MDGA2: variants seen among roughly 807,000 people sequenced by gnomAD.
The protein encoded by MDGA2 is MAM domain-containing glycosylphosphatidylinositol anchor protein 2.
MDGA2 carries 40 observed loss-of-function variants against 117.8 expected under a neutral mutation model. That is an observed-to-expected ratio of 0.34 (90% CI 0.26 to 0.44). MDGA2 has a LOEUF of 0.44. MDGA2 is among the 20% of genes least tolerant of loss of function. MDGA2 has a pLI of 1.00. For synonymous variants in MDGA2, 452 were observed against 439.0 expected (o/e 1.03, Z -0.37); for missense variants, 1,123 against 1,250.6 (o/e 0.90, Z 1.54).
At chr14:47,273,975 G>A (rs938860897) in intron 2 of MDGA2, among the ~76,000 whole-genome samples, 3 of 152,086 alleles carry the variant, frequency 2.0e-5, no homozygotes, top group Non-Finnish European at 2.9e-5. Flanking sequence ...AGGAAAATGA[G>A]CTCAAATTGA....
intron 5 of MDGA2, among the ~76,000 whole-genome samples, chr14:47,102,676 G>A (rs908384148): frequency 9.2e-5 from 14 of 152,118 alleles, no homozygotes; most frequent in East Asian, 1.9e-4. Context: ...CAAGGGCACC[G>A]CAAAGCTCTC....
intron 1 of MDGA2, among the ~76,000 whole-genome samples, chr14:47,327,897 GGT>G: frequency 6.6e-6 from 1 of 152,138 alleles, no homozygotes; most frequent in South Asian, 2.1e-4. Flanking sequence ...TTAAGGAAAA[GGT>G]GGAAGCTAGA....
chr14:46,967,938 C>T (rs59043193), intron 8 of MDGA2, among the ~76,000 whole-genome samples: 17,960 of 152,090 alleles, frequency 0.12, 2,020 homozygotes, highest in African/African-American at 0.27. Flanking sequence ...AAAGAAGCTG[C>T]AGATGCCGGG....
At position 47,291,487 on chromosome 14, in the gene MDGA2, A is replaced by G. The variant is rs112490640; in HGVS notation, c.420+9924T>C. 1.6e-3 allele frequency among the ~76,000 whole-genome samples: 244 copies of G among 152,276 alleles called. 1 individual carries two copies. Among genetic ancestry groups the G allele is most frequent in the African/African-American group, 5.6e-3 (233 of 41,576 alleles). ...ATGGGGTTATCTCCTGATAACCCCA[A>G]CGCAACTTGAAAATATCGTGAGTTG... is the stretch of plus-strand genomic sequence containing the variant. On this transcript the variant is annotated intron_variant, in intron 2 of 16. Coordinates refer to ENST00000399232, the MANE Select transcript of MDGA2 (RefSeq NM_001113498.3).
intron 14 of MDGA2, among the ~76,000 whole-genome samples, chr14:46,862,180 A>G (rs1881537087): frequency 6.6e-6 from 1 of 151,858 alleles, no homozygotes; most frequent in Non-Finnish European, 1.5e-5. Context: ...GAAGCTAAGC[A>G]AAACTCAAAC....
intron 3 of MDGA2, among the ~76,000 whole-genome samples, chr14:47,217,134 GT>G (rs1886120524): frequency 6.6e-6 from 1 of 151,908 alleles, no homozygotes; most frequent in African/African-American, 2.4e-5. Flanking sequence ...TGCTAACTAG[GT>G]AACATCCTAT....
intron 1 of MDGA2, among the ~76,000 whole-genome samples, chr14:47,644,685 GA>G (rs567068945): frequency 1.6e-3 from 226 of 145,272 alleles, no homozygotes; most frequent in Middle Eastern, 7.0e-3. Context: ...CTGTAAATTT[GA>G]AAAAAAAAAC....
chr14:46,965,148 C>T (rs1387873294), intron 8 of MDGA2, among the ~76,000 whole-genome samples: 2 of 121,312 alleles, frequency 1.6e-5, no homozygotes, highest in Non-Finnish European at 3.1e-5. Flanking sequence ...TGGTCTCGAT[C>T]TCCTGACCTC....
chr14:47,634,218 A>T lies in MDGA2; in HGVS notation c.280+40299T>A, dbSNP rs182107214. On this transcript the variant is annotated intron_variant, in intron 1 of 16. Coordinates refer to ENST00000399232, the MANE Select transcript of MDGA2 (RefSeq NM_001113498.3). ...AAATAGAGGGGAAAAACTAAAATCTATCTAGATTCAAAATGAATTTTGTAT... is the reference window on the plus strand; with the variant it reads ...AAATAGAGGGGAAAAACTAAAATCTTTCTAGATTCAAAATGAATTTTGTAT... Among the ~76,000 whole-genome samples, 14 of 152,284 alleles carry T rather than the reference A, an allele frequency of 9.2e-5. No homozygotes were observed. The East Asian group carries it at 2.7e-3, about 29-fold the overall frequency.
chr14:47,490,423 A>C (rs1005803588), intron 1 of MDGA2, among the ~76,000 whole-genome samples: 1 of 152,154 alleles, frequency 6.6e-6, no homozygotes, highest in Non-Finnish European at 1.5e-5. Flanking sequence ...AATACATTTC[A>C]AGAAAATAAG....
At chr14:47,054,946 C>G (rs987899032) in intron 7 of MDGA2, among the ~76,000 whole-genome samples, 3 of 150,702 alleles carry the variant, frequency 2.0e-5, no homozygotes, top group South Asian at 2.1e-4. Context: ...TTTTTCTTAT[C>G]TAGCCACTAT....
chr14:46,978,227 T>C (rs1356468668), intron 8 of MDGA2, among the ~76,000 whole-genome samples: 1 of 152,006 alleles, frequency 6.6e-6, no homozygotes, highest in East Asian at 1.9e-4. Context: ...TTTACTCTTT[T>C]GTCTATTATA....
At chr14:47,254,162 C>T (rs1468138070) in intron 2 of MDGA2, among the ~76,000 whole-genome samples, 2 of 152,200 alleles carry the variant, frequency 1.3e-5, no homozygotes, top group African/African-American at 2.4e-5. Flanking sequence ...AGGTCTCTGA[C>T]ATGCCCTGGA....
At chr14:47,127,163 C>T (rs1283375596) in intron 5 of MDGA2, among the ~76,000 whole-genome samples, 1 of 152,054 alleles carries the variant, frequency 6.6e-6, no homozygotes, top group African/African-American at 2.4e-5. Flanking sequence ...TGACATTTTG[C>T]AAACCAACAG....
chr14:47,330,480 T>A (rs1315676966), intron 1 of MDGA2, among the ~76,000 whole-genome samples: 1 of 151,870 alleles, frequency 6.6e-6, no homozygotes, highest in Non-Finnish European at 1.5e-5. Flanking sequence ...GGAAATAATC[T>A]ACAAATATTT....
At chr14:47,613,479 T>TCACA (rs1555336468) in intron 1 of MDGA2, among the ~76,000 whole-genome samples, 241 of 141,136 alleles carry the variant, frequency 1.7e-3, no homozygotes, top group Middle Eastern at 7.2e-3. Flanking sequence ...TCTCTCTCTC[T>TCACA]CACACACACA....
intron 1 of MDGA2, among the ~76,000 whole-genome samples, chr14:47,412,262 CAG>C (rs1431554619): frequency 2.6e-5 from 4 of 151,982 alleles, no homozygotes; most frequent in African/African-American, 9.7e-5. Flanking sequence ...AAAAACAAAA[CAG>C]AAATAAAAAA....
rs117721512 is a variant in MDGA2, at chr14:47,044,930, G to T, written c.1526-9626C>A. On this transcript the variant is annotated intron_variant, in intron 7 of 16. Coordinates refer to ENST00000399232, the MANE Select transcript of MDGA2 (RefSeq NM_001113498.3). The stretch of plus-strand genomic sequence containing the variant: ...ATGGGGAGAAATAGGTTCCTGGAGG[G>T]TAGCAACTCTAAAAGGTTTGGTATT... Among the ~76,000 whole-genome samples, 887 of 152,222 alleles carry T rather than the reference G, an allele frequency of 5.8e-3. 10 individuals are homozygous for T. Among genetic ancestry groups the T allele is most frequent in the South Asian group, 0.029 (139 of 4,822 alleles).
chr14:46,842,057 GAAT>G, intron 16 of MDGA2, 38 bp from the exon 17 acceptor site: 2 of 1,436,090 alleles, frequency 1.4e-6, no homozygotes, highest in South Asian at 1.2e-5. Context: ...AAAAAAAGAA[GAAT>G]AATAAGCATT....
Sources: gnomAD v4.1 joint callset for allele counts (sites outside exome capture counted in the v4.1 genomes callset) on GRCh38, gnomAD v4.1.1 for gene constraint, MANE v1.5 for transcripts, NCBI Gene and HGNC (gene_info 2026-07-23, HGNC 2026-07-21) for gene names.